ERCC5: variants seen among roughly 807,000 people sequenced by gnomAD.
The protein encoded by ERCC5 is DNA excision repair protein ERCC-5.
A neutral mutation model predicts 105.6 loss-of-function variants in ERCC5; 68 were observed. That is an observed-to-expected ratio of 0.64 (90% CI 0.53 to 0.79). The LOEUF (loss-of-function observed/expected upper bound fraction) is 0.79. Ranked by LOEUF, ERCC5 falls within the 30% of genes least tolerant of loss-of-function variation. The pLI is 0.00. For missense variants in ERCC5, 1,373 were observed against 1,426.7 expected (o/e 0.96, Z 0.61); for synonymous variants, 546 against 526.2 (o/e 1.04, Z -0.51).
rs4150379 is a variant in ERCC5, at chr13:102,874,796, A to C, written c.2965-511A>C. On this transcript the variant is annotated intron_variant, in intron 14 of 14. Coordinates refer to ENST00000652225, the MANE Select transcript of ERCC5 (RefSeq NM_000123.4). ...CGGCCTCCCAGAGTGCTGGGGTTAC[A>C]GGCGTGAGCCACCATGCCCGGCCAA... The C allele has an allele frequency of 3.7e-3, 584 of 157,236 alleles. 2 individuals are homozygous for C. The highest frequency in any genetic ancestry group is 0.013 in the African/African-American group (541 of 41,622). 9.7% of individuals were successfully genotyped at this position (157,236 alleles called of 1,614,324 possible). A position where few individuals can be genotyped will look rare whatever the true frequency, so the allele number is the denominator to read the frequency against.
intron 1 of ERCC5, 109 bp from the exon 2 acceptor site, chr13:102,852,009 T>A (rs541372830): frequency 3.2e-6 from 4 of 1,240,808 alleles, no homozygotes; most frequent in Middle Eastern, 1.9e-4. Context: ...AAATGAATAG[T>A]GATAAGTATT....
intron 6 of ERCC5, among the ~76,000 whole-genome samples, chr13:102,859,579 A>G (rs1231755773): frequency 6.6e-6 from 1 of 152,244 alleles, no homozygotes; most frequent in Non-Finnish European, 1.5e-5. Context: ...GTAAACAATA[A>G]CAGGAAGAAA....
chr13:102,875,183 A>G, intron 14 of ERCC5, 124 bp from the exon 15 acceptor site: 2 of 1,128,360 alleles, frequency 1.8e-6, no homozygotes, highest in Non-Finnish European at 2.5e-6. Flanking sequence ...TTGGGAGATA[A>G]TGAATTAATA....
Position 102,846,335 on chromosome 13 carries a change from A to T in ERCC5, c.69A>T (p.Glu23Asp). 1 of 1,614,094 alleles carries T rather than the reference A, an allele frequency of 6.2e-7. No individual in the cohort carries two copies. Residue 23 changes from glutamate to aspartate, a missense_variant, in exon 1 of 15, where the codon GAA (glutamate) becomes GAT (aspartate). By Grantham distance (45) the Glu-to-Asp change is conservative. Coordinates refer to ENST00000652225, the MANE Select transcript of ERCC5 (RefSeq NM_000123.4). ...GGCAGGTCAGCCCCGAAGCGCTGGA[A>T]GGGAAGATCCTGGCTGTTGGTATCC... ...SGRQVSPEALEGKILAVDISI... is the reference protein window; with the variant it reads ...SGRQVSPEALDGKILAVDISI...
chr13:102,874,398 T>C (rs1010286175), intron 14 of ERCC5, among the ~76,000 whole-genome samples: 3 of 152,260 alleles, frequency 2.0e-5, no homozygotes, highest in African/African-American at 7.2e-5. Context: ...GTTTTCTTAA[T>C]TCCAGATGAC....
At chr13:102,866,135 C>A in intron 9 of ERCC5, 127 bp from the exon 10 acceptor site, 1 of 1,485,292 alleles carries the variant, frequency 6.7e-7, no homozygotes, top group Non-Finnish European at 9.3e-7. Context: ...GGTTAGACAT[C>A]CAGTGGAGTA....
intron 11 of ERCC5, among the ~76,000 whole-genome samples, chr13:102,867,706 G>C (rs981792124): frequency 4.6e-5 from 7 of 152,196 alleles, no homozygotes; most frequent in African/African-American, 1.4e-4. Context: ...CTGAGCAGCT[G>C]GTCGAGTGGA....
At position 102,861,541 on chromosome 13, in the gene ERCC5, G is replaced by A. The variant is rs201777503; in HGVS notation, c.707G>A (p.Gly236Asp). ...SDDFSQYQLKGLLKKNYLNQH... is the reference protein window; with the variant it reads ...SDDFSQYQLKDLLKKNYLNQH... Reference sequence around the variant, plus strand: ...GACTTTTCACAGTACCAACTCAAAGGCTTGCTTAAAAAGAACTATCTGAAC... The same window carrying A: ...GACTTTTCACAGTACCAACTCAAAGACTTGCTTAAAAAGAACTATCTGAAC... The change falls in exon 7 of 15, where the codon GGC becomes GAC. Residue 236 changes from glycine (G) to aspartate (D), a missense_variant. Gly to Asp is a moderately conservative substitution (Grantham distance 94, BLOSUM62 -1). This residue lies in a region of ERCC5 where 1,004 missense variants were observed against 1,059.7 expected (regional missense o/e 0.95). Coordinates refer to ENST00000652225, the MANE Select transcript of ERCC5 (RefSeq NM_000123.4). 3.7e-6 allele frequency: 6 copies of A among 1,614,022 alleles called. No individual in the cohort carries two copies. The highest frequency in any genetic ancestry group is 1.1e-5 in the South Asian group (1 of 91,076).
At chr13:102,859,852 A>G (rs1238742850) in intron 6 of ERCC5, among the ~76,000 whole-genome samples, 3 of 152,226 alleles carry the variant, frequency 2.0e-5, no homozygotes, top group Admixed American at 6.5e-5. Flanking sequence ...CACTTTACTC[A>G]CGGTTTGCAG....
At chr13:102,860,509 A>G (rs7333013) in intron 6 of ERCC5, among the ~76,000 whole-genome samples, 151,962 of 152,270 alleles carry the variant, frequency 1, 75,828 homozygotes, top group Middle Eastern at 1. Flanking sequence ...AGTTTCAGGC[A>G]TCCTCTGGGG....
chr13:102,855,281 T>C (rs1882367966), intron 4 of ERCC5, among the ~76,000 whole-genome samples: 1 of 151,700 alleles, frequency 6.6e-6, no homozygotes, highest in South Asian at 2.1e-4. Flanking sequence ...TGAGATGGAG[T>C]CTCTGTTGCC....
In ERCC5 at chr13:102,865,488, A is replaced by G; in HGVS notation, c.1955-179A>G. 1.2e-6 allele frequency: 1 copy of G among 831,652 alleles called. No homozygotes were observed. The highest frequency in any genetic ancestry group is 1.8e-6 in the Non-Finnish European group (1 of 550,960). 51.5% of individuals were successfully genotyped at this position (831,652 alleles called of 1,614,324 possible). A position where few individuals can be genotyped will look rare whatever the true frequency, so the allele number is the denominator to read the frequency against. On this transcript the variant is annotated intron_variant, in intron 8 of 14. Coordinates refer to ENST00000652225, the MANE Select transcript of ERCC5 (RefSeq NM_000123.4). This position sits in a 1 kb window ranked among gnomAD's most constrained non-coding sequence, Gnocchi z 4.0. ...TTGAAAAGGCTTGTTTTGAAGTTAC[A>G]GGCATTTGTGATTACATTTATTTAT...
chr13:102,854,483 C>A, intron 4 of ERCC5, 109 bp downstream of exon 4: 3 of 1,081,836 alleles, frequency 2.8e-6, no homozygotes, highest in Non-Finnish European at 4.1e-6. Flanking sequence ...TTTCTTAATG[C>A]ATCTGAAATA....
At chr13:102,854,571 T>A (rs1463770622) in intron 4 of ERCC5, among the ~76,000 whole-genome samples, 197 bp downstream of exon 4, 1 of 152,252 alleles carries the variant, frequency 6.6e-6, no homozygotes, top group African/African-American at 2.4e-5. Context: ...TGGTGATTCA[T>A]GATTCTTATT....
At position 102,854,291 on chromosome 13, in the gene ERCC5, T is replaced by G; in HGVS notation, c.384T>G (p.Asp128Glu). The change falls in exon 4 of 15, where the codon GAT becomes GAG. Residue 128 changes from aspartate to glutamate, a missense_variant. Transcript: ENST00000652225. Reference sequence around the variant, plus strand: ...TAAAGATTTGTGTACTTTCCAGAGATGAAGCACTACCCAGTCTTACCCAAG... The same window carrying G: ...TAAAGATTTGTGTACTTTCCAGAGAGGAAGCACTACCCAGTCTTACCCAAG... ...AIKTAFRSKR[D>E]EALPSLTQVR... 6.2e-7 allele frequency: 1 copy of G among 1,614,170 alleles called. No homozygotes were observed. The highest frequency in any genetic ancestry group is 1.1e-5 in the South Asian group (1 of 91,080).
intron 14 of ERCC5, 120 bp downstream of exon 14, chr13:102,873,463 ATT>A: frequency 1.8e-6 from 2 of 1,128,592 alleles, no homozygotes; most frequent in Non-Finnish European, 2.6e-6. Context: ...AATTAGGATA[ATT>A]TAGATGAGAG....
In ERCC5 at chr13:102,853,941, C is replaced by T. The variant is rs1427372683; in HGVS notation, c.380+69C>T. On this transcript the variant is annotated intron_variant, in intron 3 of 14. Transcript: ENST00000652225. ...AAGTGATTTTTGTCTTGATTTCCTG[C>T]GATTCTCTTTCCCTATCTAATTTTG... The T allele has an allele frequency of 9.8e-6, 14 of 1,431,606 alleles. No homozygotes were observed. The East Asian group carries it at 1.4e-4, about 14-fold the overall frequency. 88.7% of individuals were successfully genotyped at this position (1,431,606 alleles called of 1,614,324 possible).
Position 102,846,134 on chromosome 13 carries a change from C to T in ERCC5, c.-133C>T, listed in dbSNP as rs1881947277. The T allele has an allele frequency of 1.4e-6, 1 of 698,554 alleles. No individual in the cohort carries two copies. Among genetic ancestry groups the T allele is most frequent in the African/African-American group, 1.8e-5 (1 of 56,016 alleles). 43.3% of individuals were successfully genotyped at this position (698,554 alleles called of 1,614,324 possible). On this transcript the variant is annotated 5_prime_UTR_variant, in exon 1 of 15. Transcript: ENST00000652225. ...GTCCCCCACTGGAAAACCGTGGCTTCTGTATTATTTGCCATCTTTGTTGTG... is the reference window on the plus strand; with the variant it reads ...GTCCCCCACTGGAAAACCGTGGCTTTTGTATTATTTGCCATCTTTGTTGTG...
chr13:102,875,179 G>T, intron 14 of ERCC5, 128 bp from the exon 15 acceptor site: 4 of 1,092,876 alleles, frequency 3.7e-6, no homozygotes, highest in Non-Finnish European at 5.2e-6. Flanking sequence ...GGTTTTGGGA[G>T]ATAATGAATT....
Sources: allele counts gnomAD v4.1 joint callset (sites outside exome capture counted in the v4.1 genomes callset), GRCh38; gene constraint gnomAD v4.1.1; regional missense constraint gnomAD v4.1.1; non-coding constraint Gnocchi (gnomAD v3.1); transcripts MANE v1.5; gene names NCBI Gene and HGNC (gene_info 2026-07-23, HGNC 2026-07-21).